The following FAM184A variants were observed in gnomAD, a reference collection of about 807,000 sequenced individuals.
FAM184A encodes family with sequence similarity 184 member A.
In FAM184A, 99 loss-of-function variants were observed where a neutral mutation model predicts 143.8. The ratio of observed to expected loss-of-function variants is 0.69; its 90% confidence interval spans 0.58 to 0.81. The LOEUF (loss-of-function observed/expected upper bound fraction) is 0.81, where lower values mean the gene tolerates loss of function less well. Ranked by LOEUF, FAM184A falls within the 40% of genes least tolerant of loss-of-function variation. The pLI, the probability that FAM184A is intolerant of heterozygous loss-of-function variation, is 0.00. For synonymous variants in FAM184A, 427 were observed against 446.4 expected (o/e 0.96, Z 0.55); for missense variants, 1,217 against 1,310.5 (o/e 0.93, Z 1.10).
At chr6:119,099,327 C>A (rs960696979) in intron 1 of FAM184A, among the ~76,000 whole-genome samples, 2 of 152,062 alleles carry the variant, frequency 1.3e-5, no homozygotes, top group Admixed American at 1.3e-4. Flanking sequence ...AACTTTCTTG[C>A]CAATTGTTTT....
chr6:119,003,098 A>T, intron 8 of FAM184A, 49 bp from the exon 9 acceptor site: 1 of 1,504,746 alleles, frequency 6.6e-7, no homozygotes. Flanking sequence ...TATTCCTTTC[A>T]CTGACTGTAA....
At chr6:119,050,775 G>C (rs1213520785) in intron 1 of FAM184A, among the ~76,000 whole-genome samples, 1 of 150,474 alleles carries the variant, frequency 6.6e-6, no homozygotes, top group African/African-American at 2.5e-5. Flanking sequence ...ACTGCAGTCC[G>C]CAGTCCGGCC....
At chr6:119,084,611 T>C (rs1165986336) in intron 1 of FAM184A, among the ~76,000 whole-genome samples, 1 of 152,202 alleles carries the variant, frequency 6.6e-6, no homozygotes, top group East Asian at 1.9e-4. Flanking sequence ...GGCTGGAGGA[T>C]GGCAGCCCTC....
chr6:119,125,613 A>C (rs1295846933), intron 1 of FAM184A, among the ~76,000 whole-genome samples: 1 of 152,204 alleles, frequency 6.6e-6, no homozygotes, highest in African/African-American at 2.4e-5. Context: ...AGACGGACAC[A>C]CCAATTTGCA....
intron 1 of FAM184A, among the ~76,000 whole-genome samples, chr6:119,048,432 G>T (rs1292138995): frequency 1.3e-5 from 2 of 152,088 alleles, no homozygotes; most frequent in Admixed American, 1.3e-4. Flanking sequence ...AAGAGAAGAA[G>T]TCAAACTATC....
chr6:119,058,501 C>A (rs1228034200), intron 1 of FAM184A, among the ~76,000 whole-genome samples: 1 of 151,944 alleles, frequency 6.6e-6, no homozygotes, highest in Non-Finnish European at 1.5e-5. Context: ...CCGTGCCCAG[C>A]CCAATTCTCC....
At chr6:118,976,798 T>C (rs994154786) in intron 11 of FAM184A, among the ~76,000 whole-genome samples, 7 of 152,178 alleles carry the variant, frequency 4.6e-5, no homozygotes, top group East Asian at 1.9e-4. Flanking sequence ...TCTCATGATA[T>C]TGAAAAATGT....
At chr6:119,018,695 G>T (rs1008636632) in intron 4 of FAM184A, among the ~76,000 whole-genome samples, 4 of 152,166 alleles carry the variant, frequency 2.6e-5, no homozygotes, top group Non-Finnish European at 5.9e-5. Context: ...ATCAGAGATT[G>T]CTGCTAGGCA....
intron 1 of FAM184A, among the ~76,000 whole-genome samples, chr6:119,067,930 C>T (rs779292956): frequency 6.6e-6 from 1 of 152,094 alleles, no homozygotes; most frequent in African/African-American, 2.4e-5. Context: ...TATGATGGCA[C>T]CCCTGCACTC....
At chr6:119,049,589 T>C (rs1264361925) in intron 1 of FAM184A, among the ~76,000 whole-genome samples, 1 of 152,152 alleles carries the variant, frequency 6.6e-6, no homozygotes, top group African/African-American at 2.4e-5. Flanking sequence ...GGGGAAAACA[T>C]TCCCTACTCA....
At chr6:119,148,140 T>A (rs1772516131) in intron 1 of FAM184A, among the ~76,000 whole-genome samples, 1 of 152,130 alleles carries the variant, frequency 6.6e-6, no homozygotes, top group Non-Finnish European at 1.5e-5. Flanking sequence ...TTCTCCTATA[T>A]GGACAAGATT....
chr6:118,975,572 T>C (rs568964959), intron 12 of FAM184A, among the ~76,000 whole-genome samples: 4 of 152,338 alleles, frequency 2.6e-5, no homozygotes, highest in African/African-American at 7.2e-5. Flanking sequence ...TGAAGAATAA[T>C]TGTGGCACCA....
chr6:119,043,732 T>C (rs1407042984), intron 1 of FAM184A, among the ~76,000 whole-genome samples: 6 of 152,170 alleles, frequency 3.9e-5, no homozygotes, highest in Non-Finnish European at 5.9e-5. Context: ...CAGGAAGCCA[T>C]TGGATGTAAA....
intron 9 of FAM184A, among the ~76,000 whole-genome samples, chr6:118,984,156 A>ATAT (rs1291999363): frequency 4.5e-4 from 54 of 120,836 alleles, no homozygotes; most frequent in African/African-American, 1.2e-3. Context: ...ATTTAAAAAA[A>ATAT]AAATATATAT....
chr6:118,976,154 A>G, intron 11 of FAM184A, 110 bp from the exon 12 acceptor site: 1 of 958,820 alleles, frequency 1.0e-6, no homozygotes, highest in Non-Finnish European at 1.5e-6. Context: ...ACACTTGTGT[A>G]TGTCCATTAA....
intron 1 of FAM184A, among the ~76,000 whole-genome samples, chr6:119,057,453 A>G (rs564116282): frequency 1.3e-5 from 2 of 152,350 alleles, no homozygotes; most frequent in Admixed American, 1.3e-4. Context: ...AAAATGGCAA[A>G]GAAGGCTGGG....
intron 1 of FAM184A, among the ~76,000 whole-genome samples, chr6:119,090,804 T>A (rs554351159): frequency 6.6e-6 from 1 of 152,300 alleles, no homozygotes; most frequent in African/African-American, 2.4e-5. Context: ...GGTGGGGAGA[T>A]CCAAATGTCT....
intron 1 of FAM184A, among the ~76,000 whole-genome samples, chr6:119,071,363 C>T (rs979230362): frequency 1.3e-5 from 2 of 152,152 alleles, no homozygotes; most frequent in South Asian, 4.1e-4. Flanking sequence ...AATTTTCACA[C>T]CAAGTATGGC....
At chr6:119,001,899 A>C (rs1057144707) in intron 9 of FAM184A, among the ~76,000 whole-genome samples, 3 of 152,198 alleles carry the variant, frequency 2.0e-5, no homozygotes, top group Non-Finnish European at 4.4e-5. Context: ...AGCAATGCTA[A>C]TGTGGTGTCC....
Sources: gnomAD v4.1 joint callset for allele counts (sites outside exome capture counted in the v4.1 genomes callset) on GRCh38, gnomAD v4.1.1 for gene constraint, MANE v1.5 for transcripts, NCBI Gene and HGNC (gene_info 2026-07-23, HGNC 2026-07-21) for gene names.